Variants in ENOX2 observed in about 807,000 individuals in gnomAD.
ENOX2 encodes APK1 antigen.
In ENOX2, 36 loss-of-function variants were observed where a neutral mutation model predicts 45.0. That is an observed-to-expected ratio of 0.80 (90% CI 0.61 to 1.06). ENOX2 has a LOEUF of 1.06. Ranked by LOEUF, ENOX2 falls within the 50% of genes least tolerant of loss-of-function variation. The probability of loss-of-function intolerance (pLI) is 0.00; values close to 1 mark genes in which losing one functional copy is unlikely to be tolerated. For missense variants in ENOX2, 423 were observed against 462.5 expected (o/e 0.91, Z 0.78); for synonymous variants, 174 against 152.3 (o/e 1.14, Z -1.05).
chrX:130,846,345 T>G (rs1433733209), intron 2 of ENOX2, among the ~76,000 whole-genome samples: 2 of 110,771 alleles, frequency 1.8e-5, no homozygotes, highest in Non-Finnish European at 1.9e-5. Flanking sequence ...CAATTTTTTT[T>G]TTTTTTTTTG....
intron 3 of ENOX2, among the ~76,000 whole-genome samples, chrX:130,725,339 C>T (rs2148281371): frequency 9.4e-6 from 1 of 106,737 alleles, no homozygotes; most frequent in African/African-American, 3.4e-5. Flanking sequence ...ATGAGCAGCT[C>T]TCCTTGCTGT....
intron 4 of ENOX2, among the ~76,000 whole-genome samples, chrX:130,692,452 G>A (rs757414629): frequency 1.8e-5 from 2 of 112,546 alleles, no homozygotes; most frequent in South Asian, 3.6e-4. Flanking sequence ...AGTCCTTTTC[G>A]CAATAAATAT....
chrX:130,637,860 C>T (rs1260258822), intron 10 of ENOX2, among the ~76,000 whole-genome samples: 2 of 111,038 alleles, frequency 1.8e-5, no homozygotes, highest in African/African-American at 6.5e-5. Context: ...CAGTTACACT[C>T]ATTTTATTTT....
intron 10 of ENOX2, among the ~76,000 whole-genome samples, chrX:130,647,430 A>G (rs2148058880): frequency 8.9e-6 from 1 of 112,450 alleles, no homozygotes; most frequent in African/African-American, 3.2e-5. Flanking sequence ...TCTTACTCCT[A>G]CCCTGAGTGG....
At chrX:130,840,208 A>G (rs570077631) in intron 2 of ENOX2, among the ~76,000 whole-genome samples, 1 of 111,881 alleles carries the variant, frequency 8.9e-6, no homozygotes, top group Non-Finnish European at 1.9e-5. Context: ...TATAGAGAGC[A>G]TATCACCAAT....
chrX:130,654,441 G>GAA (rs11370254), intron 10 of ENOX2, among the ~76,000 whole-genome samples: 7 of 94,991 alleles, frequency 7.4e-5, no homozygotes, highest in East Asian at 3.4e-4. Context: ...TGGACAGAGG[G>GAA]AAAAAAAAAA....
chrX:130,879,796 T>C (rs923817296), intron 2 of ENOX2, among the ~76,000 whole-genome samples: 8 of 112,107 alleles, frequency 7.1e-5, no homozygotes, highest in African/African-American at 2.6e-4. Context: ...CAGAGTGAAC[T>C]TTTTTTACTG....
At chrX:130,789,572 C>A (rs2077012723) in intron 2 of ENOX2, among the ~76,000 whole-genome samples, 1 of 111,897 alleles carries the variant, frequency 8.9e-6, no homozygotes, top group African/African-American at 3.2e-5. Context: ...CAAATTAAGG[C>A]AACAATCTCA....
chrX:130,693,175 A>G (rs773485237), intron 4 of ENOX2, among the ~76,000 whole-genome samples: 1 of 111,980 alleles, frequency 8.9e-6, no homozygotes, highest in Non-Finnish European at 1.9e-5. Context: ...CCCTATATCT[A>G]TTCATTCAAT....
chrX:130,797,784 T>C (rs1261167628), intron 2 of ENOX2, among the ~76,000 whole-genome samples: 1 of 111,784 alleles, frequency 8.9e-6, no homozygotes, highest in Non-Finnish European at 1.9e-5. Context: ...TTGTTTTCTT[T>C]GGCACACATG....
At chrX:130,799,697 G>C (rs1450888436) in intron 2 of ENOX2, among the ~76,000 whole-genome samples, 1 of 111,188 alleles carries the variant, frequency 9.0e-6, no homozygotes, top group Non-Finnish European at 1.9e-5. Context: ...GATAAAGAAA[G>C]AAAAGCTTAG....
chrX:130,787,908 T>A (rs1018765546), intron 2 of ENOX2, among the ~76,000 whole-genome samples: 1 of 111,587 alleles, frequency 9.0e-6, no homozygotes, highest in Non-Finnish European at 1.9e-5. Flanking sequence ...CAAACCCATA[T>A]TTTATATCAT....
At chrX:130,733,882 C>T (rs1044979965) in intron 3 of ENOX2, among the ~76,000 whole-genome samples, 1 of 111,908 alleles carries the variant, frequency 8.9e-6, no homozygotes, top group African/African-American at 3.2e-5. Flanking sequence ...TTTTGTAAAA[C>T]GTTACTGGGT....
At chrX:130,816,412 G>A (rs1407255288) in intron 2 of ENOX2, among the ~76,000 whole-genome samples, 1 of 111,487 alleles carries the variant, frequency 9.0e-6, no homozygotes, top group Non-Finnish European at 1.9e-5. Flanking sequence ...TCTGGACCAA[G>A]CAGCCCTATT....
intron 2 of ENOX2, among the ~76,000 whole-genome samples, chrX:130,886,855 A>G (rs1427029347): frequency 8.9e-6 from 1 of 112,234 alleles, no homozygotes; most frequent in Non-Finnish European, 1.9e-5. Context: ...AACATAACAC[A>G]CTAAGTGTTT....
intron 2 of ENOX2, among the ~76,000 whole-genome samples, chrX:130,875,378 T>C (rs1199826141): frequency 4.5e-5 from 5 of 110,654 alleles, no homozygotes; most frequent in African/African-American, 1.3e-4. Context: ...AGGACTCTCA[T>C]TTCCTGAGAT....
intron 5 of ENOX2, among the ~76,000 whole-genome samples, chrX:130,684,359 A>T (rs1293185189): frequency 8.9e-6 from 1 of 112,144 alleles, no homozygotes; most frequent in Non-Finnish European, 1.9e-5. Context: ...GGAATAGAAC[A>T]CAGTTGTCTT....
In ENOX2 at chrX:130,891,709, G is replaced by A. The variant is rs111838144; in HGVS notation, c.-183+9975C>T. On this transcript the variant is annotated intron_variant, in intron 2 of 14. Transcript: ENST00000394363. ...CAGTACTTGACTGGTACTGGGATTC[G>A]AACTCAGGCAATTTGAATCCATTAC... is the stretch of plus-strand genomic sequence containing the variant. Among the ~76,000 whole-genome samples, 327 of 108,902 alleles carry A rather than the reference G, an allele frequency of 3.0e-3. 1 individual carries two copies. The highest frequency in any genetic ancestry group is 0.01 in the African/African-American group (304 of 29,920). The allele number at this position is 108,902 out of a possible 115,157, so 94.6% of individuals were successfully genotyped here.
chrX:130,770,572 A>T (rs2148371589), intron 3 of ENOX2, among the ~76,000 whole-genome samples: 1 of 112,256 alleles, frequency 8.9e-6, no homozygotes, highest in Non-Finnish European at 1.9e-5. Flanking sequence ...ATAATTTAAA[A>T]AAAAAGAAAA....
Sources: gnomAD v4.1 joint callset for allele counts (sites outside exome capture counted in the v4.1 genomes callset) on GRCh38, gnomAD v4.1.1 for gene constraint, MANE v1.5 for transcripts, NCBI Gene and HGNC (gene_info 2026-07-23, HGNC 2026-07-21) for gene names.